The following NPHS1 variants were observed in gnomAD, a reference collection of about 807,000 sequenced individuals.
NPHS1 encodes the protein nephrin.
A neutral mutation model predicts 139.7 loss-of-function variants in NPHS1; 107 were observed. The ratio of observed to expected loss-of-function variants is 0.77; its 90% CI spans 0.66 to 0.90. The LOEUF (loss-of-function observed/expected upper bound fraction) is 0.90. NPHS1 is among the 40% of genes least tolerant of loss of function. The pLI is 0.00. For synonymous variants in NPHS1, 707 were observed against 706.6 expected (o/e 1.00, Z -0.01); for missense variants, 1,580 against 1,654.2 (o/e 0.96, Z 0.78).
intron 28 of NPHS1, among the ~76,000 whole-genome samples, chr19:35,829,685 T>C (rs1364314549): frequency 6.6e-6 from 1 of 152,038 alleles, no homozygotes; most frequent in Non-Finnish European, 1.5e-5. Flanking sequence ...ATTACAAGTG[T>C]GTGCCACCAC....
In NPHS1 at chr19:35,833,366, A is replaced by G. The variant is rs780686600; in HGVS notation, c.3167-1604T>C. 6.8e-4 allele frequency among the ~76,000 whole-genome samples: 104 copies of G among 152,168 alleles called. 1 individual carries two copies. Among genetic ancestry groups the G allele is most frequent in the Admixed American group, 7.2e-4 (11 of 15,272 alleles). On this transcript the variant is annotated intron_variant, in intron 23 of 28. Transcript: ENST00000378910. ...CCCTGGGGAGAACAGCCACTCCCCA[A>G]TCTCAGTCTTGGGTTCAGGCAGGAC...
At chr19:35,844,045 C>A in intron 16 of NPHS1, 58 bp downstream of exon 16, 1 of 1,588,848 alleles carries the variant, frequency 6.3e-7, no homozygotes. Context: ...AATGAGGAGA[C>A]TCCACAATGG....
chr19:35,826,603 G>C lies in NPHS1; in HGVS notation c.3637C>G (p.Pro1213Ala). 6.2e-7 allele frequency: 1 copy of C among 1,614,072 alleles called. No homozygotes were observed. Residue 1213 changes from proline to alanine, a missense_variant, in exon 29 of 29, where the codon CCA becomes GCA. By Grantham distance (27) the Pro-to-Ala change is conservative. Coordinates refer to ENST00000378910, the MANE Select transcript of NPHS1 (RefSeq NM_004646.4). The stretch of plus-strand genomic sequence containing the variant: ...GCCACCTGGTCATAGATTCCTCTTG[G>C]ATCCTGATATGTGTCTTCAGGCCAG... Reference protein sequence around the residue: ...LHWPEDTYQDPRGIYDQVAGD... With the variant: ...LHWPEDTYQDARGIYDQVAGD...
In NPHS1 at chr19:35,851,498, G is replaced by A. The variant is rs1295860951; in HGVS notation, c.233C>T (p.Pro78Leu). Residue 78 changes from proline to leucine, a missense_variant, in exon 2 of 29, where the codon CCA becomes CTA. Pro to Leu is a moderately conservative substitution (Grantham distance 98). Transcript: ENST00000378910. ...GLLLGPDPRI[P>L]GFPRYRLEGD... is the part of the protein sequence containing the mutation. The stretch of plus-strand genomic sequence containing the variant: ...TTCCAGGCGGTACCTCGGGAAGCCT[G>A]GGATCCTGGGGTCGGGGCCCAGGAG... 9 of 1,613,662 alleles carry A rather than the reference G, an allele frequency of 5.6e-6. No individual in the cohort carries two copies. Among genetic ancestry groups the A allele is most frequent in the Non-Finnish European group, 7.6e-6 (9 of 1,179,986 alleles).
At position 35,831,724 on chromosome 19, in the gene NPHS1, G is replaced by C; in HGVS notation, c.3205C>G (p.Leu1069Val). ...TTGGAGAGGAGCAGAAGCCCCCCAA[G>C]AGCGAACAGCACAGGCAGCAGGGGC... ...GLPLLPVLFA[L>V]GGLLLLSNAS... Residue 1069 changes from leucine to valine, a missense_variant, in exon 24 of 29, where the codon CTT becomes GTT. Physicochemically the swap from Leu to Val is conservative, Grantham distance 32. Transcript: ENST00000378910. 1 of 1,590,172 alleles carries C rather than the reference G, an allele frequency of 6.3e-7. No individual in the cohort carries two copies. The highest frequency in any genetic ancestry group is 1.1e-5 in the South Asian group (1 of 88,040).
chr19:35,845,479 T>C lies in NPHS1; in HGVS notation c.1819A>G (p.Ser607Gly). The C allele has an allele frequency of 4.3e-6, 7 of 1,613,926 alleles. No homozygotes were observed. Among genetic ancestry groups the C allele is most frequent in the Non-Finnish European group, 5.1e-6 (6 of 1,179,962 alleles). ...APFKGSAAAR[S>G]VLLQVSSRDH... ...CGGGATGACACTTGCAGAAGGACGC[T>C]CCTGGCGGCGGCGGAGCCTTTGAAT... The change falls in exon 14 of 29, where the codon AGC (serine) becomes GGC (glycine). Residue 607 changes from serine (S) to glycine (G), a missense_variant. Physicochemically the swap from Ser to Gly is moderately conservative, Grantham distance 56. Coordinates refer to ENST00000378910, the MANE Select transcript of NPHS1 (RefSeq NM_004646.4). This position sits in a 1 kb window ranked among gnomAD's most constrained non-coding sequence, Gnocchi z 5.5.
rs911027934 is a variant in NPHS1, at chr19:35,832,566, G to A, written c.3167-804C>T. 4.7e-5 allele frequency among the ~76,000 whole-genome samples: 7 copies of A among 150,436 alleles called. No individual in the cohort carries two copies. In the Admixed American group the frequency reaches 4.7e-4, roughly 10 times the overall value. Reference sequence around the variant, plus strand: ...CTCTGAAAAAAAAATCCCATCTCAAGGACTTCTTTATTTTATTTTGTTTTT... The same window carrying A: ...CTCTGAAAAAAAAATCCCATCTCAAAGACTTCTTTATTTTATTTTGTTTTT... On this transcript the variant is annotated intron_variant, in intron 23 of 28. Coordinates refer to ENST00000378910, the MANE Select transcript of NPHS1 (RefSeq NM_004646.4).
chr19:35,844,331 G>C lies in NPHS1; in HGVS notation c.2059C>G (p.Arg687Gly). The change falls in exon 15 of 29, where the codon CGC (arginine) becomes GGC (glycine). Residue 687 changes from arginine to glycine, a missense_variant. Coordinates refer to ENST00000378910, the MANE Select transcript of NPHS1 (RefSeq NM_004646.4). ...CCACTTCCCTCACCTGGACTGAGGC[G>C]ATAGCCGCGGAAGGTCCAGTTGAAG... ...EAFNWTFRGY[R>G]LSPAGGPRHR... 1 of 1,613,866 alleles carries C rather than the reference G, an allele frequency of 6.2e-7. No homozygotes were observed. The highest frequency in any genetic ancestry group is 1.1e-5 in the South Asian group (1 of 91,060).
At chr19:35,839,740 AG>A (rs1184088811) in intron 20 of NPHS1, 133 bp from the exon 21 acceptor site, 1 of 753,156 alleles carries the variant, frequency 1.3e-6, no homozygotes, top group East Asian at 2.7e-5. Flanking sequence ...ATGTTCTGTA[AG>A]GTCATGGTGA....
At position 35,845,384 on chromosome 19, in the gene NPHS1, A is replaced by G; in HGVS notation, c.1914T>C (p.Tyr638=). 1 of 1,614,276 alleles carries G rather than the reference A, an allele frequency of 6.2e-7. No homozygotes were observed. Among genetic ancestry groups the G allele is most frequent in the Non-Finnish European group, 8.5e-7 (1 of 1,180,052 alleles). Residue 638 remains tyrosine (Y), a synonymous_variant, in exon 14 of 29, where the codon TAT becomes TAC. Transcript: ENST00000378910. The surrounding 1 kb of genome is among the most constrained non-coding windows in gnomAD (Gnocchi z 5.5). ...GGCACATACACAGTACGTTGAGGCG[A>G]TAGAAGGAGCTCACGGTTTCGCGGA... ...AELRETVSSF[Y]RLNVLYRPEF...
chr19:35,840,475 C>G (rs551360888), intron 20 of NPHS1, among the ~76,000 whole-genome samples: 4 of 151,228 alleles, frequency 2.6e-5, no homozygotes, highest in African/African-American at 9.7e-5. Context: ...GCTGGGACTA[C>G]AGGTGCCCGC....
chr19:35,848,208 G>T (rs1568455582), intron 10 of NPHS1, 43 bp from the exon 11 acceptor site: 1 of 1,614,134 alleles, frequency 6.2e-7, no homozygotes, highest in Non-Finnish European at 8.5e-7. Context: ...CTCTGTGCTG[G>T]GTCCTGAGGC....
In NPHS1 at chr19:35,852,079, CTTTTTTCTTTT is replaced by C. The variant is rs1265305470; in HGVS notation, c.-253_-243del. Among the ~76,000 whole-genome samples the C allele has an allele frequency of 1.9e-4, 28 of 148,386 alleles. No homozygotes were observed. The highest frequency in any genetic ancestry group is 8.6e-4 in the South Asian group (4 of 4,664). On this transcript the variant is annotated 5_prime_UTR_variant, in exon 1 of 29. Transcript: ENST00000378910. ...TGTCTCTTTAAAAAAACTTTTTTTT[CTTTTTTCTTTT>C]TTTTTTCTTTTTTTTTTTTTTAGAG... is the stretch of plus-strand genomic sequence containing the variant.
chr19:35,847,246 C>G (rs996796633), intron 11 of NPHS1, among the ~76,000 whole-genome samples: 4 of 150,786 alleles, frequency 2.7e-5, no homozygotes, highest in Non-Finnish European at 4.4e-5. Flanking sequence ...GGAGTTTCAC[C>G]GTGTTAGCCA....
chr19:35,831,408 G>GC (rs755504097), intron 25 of NPHS1, 37 bp from the exon 26 acceptor site: 3 of 1,609,496 alleles, frequency 1.9e-6, no homozygotes, highest in Non-Finnish European at 1.7e-6. Flanking sequence ...GTTGAGTGCT[G>GC]CCCCCCGCCA....
chr19:35,840,214 A>G (rs575086206), intron 20 of NPHS1, among the ~76,000 whole-genome samples: 1 of 151,874 alleles, frequency 6.6e-6, no homozygotes, highest in Admixed American at 6.6e-5. Flanking sequence ...TATGTTGGCC[A>G]GGCTTGTCTC....
At chr19:35,829,487 C>T (rs1480701813) in intron 28 of NPHS1, among the ~76,000 whole-genome samples, 1 of 152,148 alleles carries the variant, frequency 6.6e-6, no homozygotes, top group African/African-American at 2.4e-5. Flanking sequence ...CTACCTCAGC[C>T]TCCTGAGTAG....
chr19:35,830,679 G>T (rs1331566924), intron 28 of NPHS1, among the ~76,000 whole-genome samples, 165 bp downstream of exon 28: 1 of 152,244 alleles, frequency 6.6e-6, no homozygotes, highest in African/African-American at 2.4e-5. Context: ...AAAGTGTTGG[G>T]ATTACAGGCA....
chr19:35,850,871 G>T (rs1973234337), intron 4 of NPHS1, 90 bp downstream of exon 4: 1 of 1,504,196 alleles, frequency 6.6e-7, no homozygotes, highest in Non-Finnish European at 9.1e-7. Context: ...CTTTTCTGGG[G>T]CCCTTAGAAG....
Sources: allele counts gnomAD v4.1 joint callset (sites outside exome capture counted in the v4.1 genomes callset), GRCh38; gene constraint gnomAD v4.1.1; non-coding constraint Gnocchi (gnomAD v3.1); transcripts MANE v1.5; gene names NCBI Gene and HGNC (gene_info 2026-07-23, HGNC 2026-07-21).